Variants in THADA observed in about 807,000 individuals in gnomAD.
The protein encoded by THADA is THADA armadillo repeat containing.
In THADA, 213 loss-of-function variants were observed where a neutral mutation model predicts 219.8. That is an observed-to-expected ratio of 0.97 (90% confidence interval 0.87 to 1.09). The LOEUF is 1.09. Among genes scored for constraint, THADA ranks in the 50% least tolerant of loss-of-function variants. The probability of loss-of-function intolerance (pLI) is 0.00; values close to 1 mark genes in which losing one functional copy is unlikely to be tolerated. For synonymous variants in THADA, 1,018 were observed against 828.9 expected (o/e 1.23, Z -3.92); for missense variants, 2,956 against 2,311.3 (o/e 1.28, Z -5.72).
intron 29 of THADA, among the ~76,000 whole-genome samples, chr2:43,357,428 A>T (rs866816692): frequency 1.3e-5 from 2 of 152,224 alleles, no homozygotes; most frequent in Admixed American, 6.5e-5. Context: ...ATGGTACCCA[A>T]TGGAGTTGGG....
At chr2:43,243,072 T>C (rs1163715518) in intron 36 of THADA, among the ~76,000 whole-genome samples, 4 of 152,176 alleles carry the variant, frequency 2.6e-5, no homozygotes, top group South Asian at 2.1e-4. Flanking sequence ...CCCCAGAAAG[T>C]TGCGAAGATT....
chr2:43,574,594 C>T lies in THADA; in HGVS notation c.1471G>A (p.Val491Ile), dbSNP rs1221283743. 3.1e-6 allele frequency: 5 copies of T among 1,613,824 alleles called. No individual in the cohort carries two copies. The highest frequency in any genetic ancestry group is 1.3e-5 in the African/African-American group (1 of 74,912). The change falls in exon 11 of 38, where the codon GTA becomes ATA. Residue 491 changes from valine (V) to isoleucine (I), a missense_variant. Physicochemically the swap from Val to Ile is conservative, Grantham distance 29. Coordinates refer to ENST00000405975, the MANE Select transcript of THADA (RefSeq NM_022065.5). Reference sequence around the variant, plus strand: ...TCCAAGAGGTCACTTGCATAAGGTACCAATGACTGGTCTCCCATCACCTCT... The same window carrying T: ...TCCAAGAGGTCACTTGCATAAGGTATCAATGACTGGTCTCCCATCACCTCT... ...ILEVMGDQSL[V>I]PYASDLLETM...
At chr2:43,493,928 T>A (rs1243207913) in intron 25 of THADA, among the ~76,000 whole-genome samples, 1 of 152,162 alleles carries the variant, frequency 6.6e-6, no homozygotes. Flanking sequence ...TTTACCTACA[T>A]CAATCACATC....
At chr2:43,334,048 G>A (rs892095908) in intron 30 of THADA, among the ~76,000 whole-genome samples, 2 of 152,208 alleles carry the variant, frequency 1.3e-5, no homozygotes, top group African/African-American at 4.8e-5. Flanking sequence ...GTTAGCCACA[G>A]ACCCCCTAGG....
intron 7 of THADA, among the ~76,000 whole-genome samples, chr2:43,585,787 T>C (rs945441274): frequency 1.3e-4 from 20 of 152,130 alleles, no homozygotes; most frequent in African/African-American, 4.8e-4. Flanking sequence ...TAAAACAGGA[T>C]GCTATGAAAA....
intron 19 of THADA, among the ~76,000 whole-genome samples, chr2:43,549,678 G>A (rs1696523263): frequency 6.6e-6 from 1 of 152,086 alleles, no homozygotes; most frequent in East Asian, 1.9e-4. Context: ...CTCAAATATG[G>A]TGCTAATCAT....
chr2:43,578,621 A>C lies in THADA; in HGVS notation c.722-14T>G. 1.9e-6 allele frequency: 3 copies of C among 1,553,310 alleles called. No homozygotes were observed. In the South Asian group the frequency reaches 3.5e-5, roughly 18 times the overall value. ...GTAACAGATCATCTATTTGGCAAAA[A>C]AGGAGAGAAGCTTGTGTTAAATAAT... On this transcript the variant is annotated splice_polypyrimidine_tract_variant and intron_variant, in intron 8 of 37. Coordinates refer to ENST00000405975, the MANE Select transcript of THADA (RefSeq NM_022065.5).
intron 4 of THADA, among the ~76,000 whole-genome samples, chr2:43,588,801 C>G (rs1487773803): frequency 6.6e-6 from 1 of 151,950 alleles, no homozygotes; most frequent in African/African-American, 2.4e-5. Flanking sequence ...ATTTTTGGTC[C>G]AGAAATTCCA....
intron 36 of THADA, among the ~76,000 whole-genome samples, chr2:43,248,186 G>GAC: frequency 8.2e-6 from 1 of 122,414 alleles, no homozygotes; most frequent in Non-Finnish European, 1.6e-5. Context: ...GAGAGAGAGA[G>GAC]AGAGAGAGAG....
rs145105774 is a variant in THADA at position 43,578,603 on chromosome 2, A to G, written c.726T>C (p.Asp242=). 392 of 1,590,980 alleles carry G rather than the reference A, an allele frequency of 2.5e-4. No homozygotes were observed. Among genetic ancestry groups the G allele is most frequent in the Non-Finnish European group, 3.0e-4 (347 of 1,167,746 alleles). The change falls in exon 9 of 38, where the codon GAT becomes GAC. Residue 242 remains aspartate, a synonymous_variant. Transcript: ENST00000405975. ...SIFTKVLSDD[D]LLQTVQSTSG... ...ATGTGCTCTGTACAGTCTGTAACAG[A>G]TCATCTATTTGGCAAAAAAGGAGAG...
chr2:43,488,553 T>C (rs1407039809), intron 25 of THADA, among the ~76,000 whole-genome samples: 2 of 152,240 alleles, frequency 1.3e-5, no homozygotes, highest in East Asian at 3.8e-4. Flanking sequence ...ATTGTACAGA[T>C]ATACCGTATT....
chr2:43,321,986 T>C (rs969208866), intron 30 of THADA, among the ~76,000 whole-genome samples: 2 of 152,196 alleles, frequency 1.3e-5, no homozygotes, highest in South Asian at 2.1e-4. Flanking sequence ...ACCTCTATCC[T>C]GAATTGCCTA....
chr2:43,446,688 T>G (rs1277046169), intron 26 of THADA, among the ~76,000 whole-genome samples: 1 of 152,194 alleles, frequency 6.6e-6, no homozygotes, highest in Non-Finnish European at 1.5e-5. Context: ...TGGGGTTGTT[T>G]GTCATGCAGC....
intron 31 of THADA, among the ~76,000 whole-genome samples, chr2:43,293,443 T>C (rs1204882772): frequency 6.6e-6 from 1 of 152,162 alleles, no homozygotes; most frequent in Non-Finnish European, 1.5e-5. Context: ...AAGGCATTAC[T>C]ATTAGAAAAT....
At chr2:43,385,571 C>T (rs1394402938) in intron 29 of THADA, among the ~76,000 whole-genome samples, 2 of 140,552 alleles carry the variant, frequency 1.4e-5, no homozygotes, top group Admixed American at 1.5e-4. Flanking sequence ...CAAGCCACTG[C>T]ACTCCAGCCT....
chr2:43,503,713 G>A (rs1689308457), intron 24 of THADA, among the ~76,000 whole-genome samples: 1 of 152,112 alleles, frequency 6.6e-6, no homozygotes, highest in Non-Finnish European at 1.5e-5. Context: ...CCTGGGAGGG[G>A]AGAAGGAAAG....
intron 27 of THADA, 108 bp downstream of exon 27, chr2:43,430,104 TA>T: frequency 1.8e-6 from 1 of 553,762 alleles, no homozygotes; most frequent in Non-Finnish European, 3.0e-6. Context: ...TAAACAAATT[TA>T]AAAAAGGGAA....
rs186941674 is a variant in THADA, at chr2:43,245,329, C to T, written c.5297-12447G>A. Among the ~76,000 whole-genome samples the T allele has an allele frequency of 4.6e-5, 7 of 151,998 alleles. No homozygotes were observed. The East Asian group carries it at 7.7e-4, about 17-fold the overall frequency. The stretch of plus-strand genomic sequence containing the variant: ...CTGGGACTACAGGCACATACCACCA[C>T]GCCTGGCTAATTTTTGTAATTTTAG... On this transcript the variant is annotated intron_variant, in intron 36 of 37. Coordinates refer to ENST00000405975, the MANE Select transcript of THADA (RefSeq NM_022065.5).
intron 36 of THADA, among the ~76,000 whole-genome samples, chr2:43,253,311 C>T (rs909725471): frequency 2.0e-5 from 3 of 151,820 alleles, no homozygotes; most frequent in Admixed American, 2.0e-4. Flanking sequence ...GGAAAGAGCA[C>T]CTTTTTTGCT....
Sources: allele counts gnomAD v4.1 joint callset (sites outside exome capture counted in the v4.1 genomes callset), GRCh38; gene constraint gnomAD v4.1.1; transcripts MANE v1.5; gene names NCBI Gene and HGNC (gene_info 2026-07-23, HGNC 2026-07-21).